SRRM3: variants seen among roughly 807,000 people sequenced by gnomAD.
SRRM3 encodes the protein serine/arginine repetitive matrix protein 3.
A neutral mutation model predicts 66.2 loss-of-function variants in SRRM3; 27 were observed. That is an observed-to-expected ratio of 0.41 (90% confidence interval 0.30 to 0.56). The LOEUF is 0.56. SRRM3 is among the 20% of genes least tolerant of loss of function. The probability of loss-of-function intolerance (pLI) is 0.32; values close to 1 mark genes in which losing one functional copy is unlikely to be tolerated. For synonymous variants in SRRM3, 391 were observed against 414.9 expected, an observed-to-expected ratio of 0.94 and a Z score of 0.70; for missense variants, 918 against 991.9, an observed-to-expected ratio of 0.93 and a Z score of 1.00.
At chr7:76,248,823 T>C (rs1292841522) in intron 3 of SRRM3, among the ~76,000 whole-genome samples, 1 of 151,408 alleles carries the variant, frequency 6.6e-6, no homozygotes, top group Non-Finnish European at 1.5e-5. Flanking sequence ...CTACTAAAAA[T>C]AGAAAAGTTA....
intron 2 of SRRM3, among the ~76,000 whole-genome samples, chr7:76,236,029 A>AAAAAAAAAAAAAAAC (rs1801142725): frequency 7.1e-6 from 1 of 140,794 alleles, no homozygotes; most frequent in Non-Finnish European, 1.5e-5. Context: ...AAAAAAAAAA[A>AAAAAAAAAAAAAAAC]AGGCCGGGCG....
At position 76,235,184 on chromosome 7, in the gene SRRM3, C is replaced by T; in HGVS notation, c.118C>T (p.Arg40Cys). ...CTGGCCGCGGGCGGAAGAGGAGCTG[C>T]GCGCCGCGGAGCCGGGCCTGGTGAA... Reference protein sequence around the residue: ...GTWPRAEEELRAAEPGLVKRA... With the variant: ...GTWPRAEEELCAAEPGLVKRA... Residue 40 changes from arginine (R) to cysteine (C), a missense_variant, in exon 2 of 15, where the codon CGC becomes TGC. Arg to Cys is a radical substitution (Grantham distance 180, BLOSUM62 -3). Coordinates refer to ENST00000611745, the MANE Select transcript of SRRM3 (RefSeq NM_001110199.3). The T allele has an allele frequency of 6.5e-7, 1 of 1,549,506 alleles. No homozygotes were observed.
rs67387111 is a variant in SRRM3 at position 76,253,774 on chromosome 7, T to G, written c.335+5485T>G. ...ATCCCGCCAGCCTGGGCAACAAGAGTGAAACTCTGTTTCAAAAAAAAAAAA... is the reference window on the plus strand; with the variant it reads ...ATCCCGCCAGCCTGGGCAACAAGAGGGAAACTCTGTTTCAAAAAAAAAAAA... On this transcript the variant is annotated intron_variant, in intron 3 of 14. Transcript: ENST00000611745. Among the ~76,000 whole-genome samples, 17 of 133,110 alleles carry G rather than the reference T, an allele frequency of 1.3e-4. No individual in the cohort carries two copies. In the South Asian group the frequency reaches 2.5e-3, roughly 19 times the overall value. 87.3% of individuals were successfully genotyped at this position (133,110 alleles called of 152,430 possible). A position where few individuals can be genotyped will look rare whatever the true frequency, so the allele number is the denominator to read the frequency against.
chr7:76,217,171 G>C (rs947335647), intron 1 of SRRM3, among the ~76,000 whole-genome samples: 6 of 152,196 alleles, frequency 3.9e-5, no homozygotes, highest in African/African-American at 7.2e-5. Flanking sequence ...TGTTAGTCTT[G>C]CACTTCCAGG....
intron 1 of SRRM3, among the ~76,000 whole-genome samples, chr7:76,206,520 G>A (rs767165421): frequency 2.6e-5 from 4 of 152,062 alleles, no homozygotes; most frequent in Admixed American, 6.5e-5. Flanking sequence ...TACCTCTGGG[G>A]TGCTGTCCCT....
chr7:76,258,993 G>A (rs1801788380), intron 3 of SRRM3, among the ~76,000 whole-genome samples: 1 of 151,962 alleles, frequency 6.6e-6, no homozygotes, highest in African/African-American at 2.4e-5. Context: ...GCAGTGAGGT[G>A]AGATTGCAGG....
At chr7:76,215,491 T>G (rs1368997001) in intron 1 of SRRM3, among the ~76,000 whole-genome samples, 1 of 147,924 alleles carries the variant, frequency 6.8e-6, no homozygotes, top group Non-Finnish European at 1.5e-5. Flanking sequence ...AGCCTCAACC[T>G]TCTAGGCCCA....
At chr7:76,239,779 C>T (rs1187211290) in intron 2 of SRRM3, among the ~76,000 whole-genome samples, 1 of 152,174 alleles carries the variant, frequency 6.6e-6, no homozygotes, top group African/African-American at 2.4e-5. Context: ...GGAATTCATG[C>T]CTGTAATCCC....
chr7:76,273,797 C>T (rs1187863285), intron 11 of SRRM3, among the ~76,000 whole-genome samples: 2 of 152,040 alleles, frequency 1.3e-5, no homozygotes, highest in Non-Finnish European at 2.9e-5. Context: ...GCTATGTTTC[C>T]TGGTTTGTCA....
intron 11 of SRRM3, chr7:76,273,338 T>C (rs1554610741): frequency 1.3e-5 from 2 of 152,132 alleles, no homozygotes; most frequent in African/African-American, 4.8e-5. Flanking sequence ...AGGTTTTCTG[T>C]TGTTTGAACA....
At chr7:76,242,723 G>C (rs1267345182) in intron 2 of SRRM3, among the ~76,000 whole-genome samples, 3 of 152,080 alleles carry the variant, frequency 2.0e-5, no homozygotes, top group Admixed American at 2.0e-4. Flanking sequence ...AGATCATCAG[G>C]CATTAGATTC....
chr7:76,282,433 A>T (rs1554612060), intron 12 of SRRM3, among the ~76,000 whole-genome samples: 3 of 72,242 alleles, frequency 4.2e-5, no homozygotes, highest in African/African-American at 1.7e-4. Flanking sequence ...AATCTCCTCC[A>T]CTGATCTCCC....
chr7:76,263,330 C>T (rs1046581258), intron 8 of SRRM3, among the ~76,000 whole-genome samples: 1 of 152,198 alleles, frequency 6.6e-6, no homozygotes, highest in Non-Finnish European at 1.5e-5. Context: ...CTTAGTATGG[C>T]TTTGTTTTGG....
At position 76,283,031 on chromosome 7, in the gene SRRM3, C is replaced by T. The variant is rs782517227; in HGVS notation, c.1663C>T (p.Arg555Cys). The change falls in exon 14 of 15, where the codon CGC becomes TGC. Residue 555 changes from arginine to cysteine, a missense_variant. Arg to Cys is a radical substitution (Grantham distance 180). Transcript: ENST00000611745. ...AEATRARRRSRSYSPIRKRRR... is the reference protein window; with the variant it reads ...AEATRARRRSCSYSPIRKRRR... ...GGCCACCCGCGCCCGGCGCCGCTCCCGCAGCTACTCGCCCATCCGCAAGCG... is the reference window on the plus strand; with the variant it reads ...GGCCACCCGCGCCCGGCGCCGCTCCTGCAGCTACTCGCCCATCCGCAAGCG... 4.0e-6 allele frequency: 6 copies of T among 1,487,250 alleles called. No homozygotes were observed. Among genetic ancestry groups the T allele is most frequent in the Non-Finnish European group, 5.3e-6 (6 of 1,128,866 alleles). The allele number at this position is 1,487,250 out of a possible 1,614,324, so 92.1% of individuals were successfully genotyped here. A position where few individuals can be genotyped will look rare whatever the true frequency, so the allele number is the denominator to read the frequency against.
intron 1 of SRRM3, among the ~76,000 whole-genome samples, chr7:76,203,696 G>A (rs1800218586): frequency 6.6e-6 from 1 of 152,164 alleles, no homozygotes; most frequent in Non-Finnish European, 1.5e-5. Flanking sequence ...TCATGAGGAA[G>A]GCATCATTGT....
Position 76,270,145 on chromosome 7 carries a change from G to A in SRRM3, c.1008+2710G>A, listed in dbSNP as rs912295524. 3.9e-5 allele frequency among the ~76,000 whole-genome samples: 6 copies of A among 152,170 alleles called. No homozygotes were observed. The East Asian group carries it at 5.8e-4, about 15-fold the overall frequency. ...TCCCCAGGAAGCTGGAGAGAAGCGG[G>A]AGACCCAGGGAGGGGAAGAGACTTG... On this transcript the variant is annotated intron_variant, in intron 11 of 14. Coordinates refer to ENST00000611745, the MANE Select transcript of SRRM3 (RefSeq NM_001110199.3).
intron 1 of SRRM3, among the ~76,000 whole-genome samples, chr7:76,224,151 G>A (rs1583879569): frequency 8.5e-6 from 1 of 117,684 alleles, no homozygotes. Flanking sequence ...CACGATCACA[G>A]CTCACTGCAA....
intron 1 of SRRM3, among the ~76,000 whole-genome samples, chr7:76,226,389 T>C (rs951431530): frequency 1.3e-5 from 2 of 152,138 alleles, no homozygotes; most frequent in African/African-American, 2.4e-5. Context: ...TTGGCAAGCA[T>C]TAAACTAGGG....
intron 1 of SRRM3, among the ~76,000 whole-genome samples, chr7:76,215,260 C>T (rs1253819585): frequency 6.6e-6 from 1 of 151,568 alleles, no homozygotes; most frequent in African/African-American, 2.4e-5. Context: ...ATGCATCCTA[C>T]GTTTTGGGAA....
Sources: allele counts gnomAD v4.1 joint callset (sites outside exome capture counted in the v4.1 genomes callset), GRCh38; gene constraint gnomAD v4.1.1; transcripts MANE v1.5; gene names NCBI Gene and HGNC (gene_info 2026-07-23, HGNC 2026-07-21).